GRID2: variants seen among roughly 807,000 people sequenced by gnomAD.
GRID2 encodes the protein glutamate receptor ionotropic, delta-2.
GRID2 carries 33 observed loss-of-function variants against 114.8 expected under a neutral mutation model. The observed-to-expected ratio is 0.29, with a 90% CI of 0.22 to 0.38. The LOEUF (loss-of-function observed/expected upper bound fraction) is 0.38, where lower values mean the gene tolerates loss of function less well. Ranked by LOEUF, GRID2 falls within the 10% of genes least tolerant of loss-of-function variation. The probability of loss-of-function intolerance (pLI) is 1.00; values close to 1 mark genes in which losing one functional copy is unlikely to be tolerated. For synonymous variants in GRID2, 505 were observed against 449.9 expected, an observed-to-expected ratio of 1.12 and a Z score of -1.55; for missense variants, 1,184 against 1,257.7, an observed-to-expected ratio of 0.94 and a Z score of 0.89.
chr4:92,548,113 T>C (rs1184629081), intron 1 of GRID2, among the ~76,000 whole-genome samples: 1 of 152,094 alleles, frequency 6.6e-6, no homozygotes, highest in Non-Finnish European at 1.5e-5. Flanking sequence ...ACTCTGAAGT[T>C]TAACATGGTC....
chr4:93,271,877 T>C (rs550841143), intron 8 of GRID2, among the ~76,000 whole-genome samples: 3 of 152,212 alleles, frequency 2.0e-5, no homozygotes, highest in Non-Finnish European at 2.9e-5. Flanking sequence ...AATTACATTT[T>C]ATGTCTTTGT....
At chr4:93,666,518 TG>T (rs1422427588) in intron 14 of GRID2, among the ~76,000 whole-genome samples, 3 of 152,080 alleles carry the variant, frequency 2.0e-5, no homozygotes, top group South Asian at 4.1e-4. Context: ...TATAAGCACC[TG>T]GAACAGTGCC....
intron 14 of GRID2, among the ~76,000 whole-genome samples, chr4:93,735,737 G>A (rs186955760): frequency 6.6e-6 from 1 of 152,118 alleles, no homozygotes; most frequent in African/African-American, 2.4e-5. Context: ...CTCATTTAGT[G>A]GAAACAAGTT....
In GRID2 at chr4:93,323,826, A is replaced by G. The variant is rs1021420794; in HGVS notation, c.1246-71781A>G. 2.6e-5 allele frequency among the ~76,000 whole-genome samples: 4 copies of G among 152,200 alleles called. 1 individual carries two copies. Among genetic ancestry groups the G allele is most frequent in the East Asian group, 3.9e-4 (2 of 5,178 alleles). ...TTGAAGCAATTGTGAAAGGGAGTTC[A>G]CTCATGATTTGGCTCTCTGTTTGTC... On this transcript the variant is annotated intron_variant, in intron 8 of 15. Coordinates refer to ENST00000282020, the MANE Select transcript of GRID2 (RefSeq NM_001510.4).
At chr4:93,374,264 A>T (rs1763182453) in intron 8 of GRID2, among the ~76,000 whole-genome samples, 1 of 152,198 alleles carries the variant, frequency 6.6e-6, no homozygotes, top group Non-Finnish European at 1.5e-5. Flanking sequence ...GCATGTTTTG[A>T]TTAAACACTT....
intron 13 of GRID2, among the ~76,000 whole-genome samples, chr4:93,582,568 G>C (rs1737087342): frequency 1.3e-5 from 2 of 151,944 alleles, no homozygotes; most frequent in Non-Finnish European, 2.9e-5. Context: ...GTTTCTTCAG[G>C]TTTATCAGAA....
intron 4 of GRID2, among the ~76,000 whole-genome samples, chr4:93,185,862 C>T (rs1740357364): frequency 6.6e-6 from 1 of 152,112 alleles, no homozygotes; most frequent in African/African-American, 2.4e-5. Context: ...TTGTCATTTA[C>T]ATTAGGCATT....
At chr4:93,480,148 A>T (rs1010129632) in intron 11 of GRID2, among the ~76,000 whole-genome samples, 2 of 152,108 alleles carry the variant, frequency 1.3e-5, no homozygotes, top group Non-Finnish European at 2.9e-5. Flanking sequence ...AAACTAGGAG[A>T]ATACTTAAAT....
intron 8 of GRID2, among the ~76,000 whole-genome samples, chr4:93,376,219 G>C (rs1286906682): frequency 1.4e-5 from 2 of 144,400 alleles, no homozygotes; most frequent in East Asian, 3.9e-4. Flanking sequence ...CTCATTAAAT[G>C]AATGGAAGTC....
chr4:93,425,556 T>G (rs1180574608), intron 10 of GRID2, among the ~76,000 whole-genome samples: 1 of 152,206 alleles, frequency 6.6e-6, no homozygotes, highest in Non-Finnish European at 1.5e-5. Context: ...TTTAGCACGT[T>G]TAGCCTTCTA....
chr4:92,760,237 C>CAAAAAAAAAAAAAA (rs982301426), intron 2 of GRID2, among the ~76,000 whole-genome samples: 1 of 38,410 alleles, frequency 2.6e-5, no homozygotes, highest in African/African-American at 9.4e-5. Flanking sequence ...GACTCTGTCT[C>CAAAAAAAAAAAAAA]AAAAAAAAAA....
intron 2 of GRID2, among the ~76,000 whole-genome samples, chr4:92,941,368 A>G (rs940322286): frequency 6.6e-6 from 1 of 152,134 alleles, no homozygotes; most frequent in African/African-American, 2.4e-5. Flanking sequence ...AGGTGTTTAT[A>G]GTATTCTCTG....
At chr4:93,235,312 T>C (rs1746649386) in intron 7 of GRID2, among the ~76,000 whole-genome samples, 5 of 152,126 alleles carry the variant, frequency 3.3e-5, no homozygotes. Flanking sequence ...CGTTTAGAAA[T>C]TATCTGTATG....
chr4:92,878,942 G>A (rs1412957461), intron 2 of GRID2, among the ~76,000 whole-genome samples: 1 of 152,062 alleles, frequency 6.6e-6, no homozygotes, highest in African/African-American at 2.4e-5. Flanking sequence ...TATACAAAAT[G>A]TTATTTCACG....
chr4:93,713,870 G>C (rs1458619816), intron 14 of GRID2, among the ~76,000 whole-genome samples: 1 of 152,080 alleles, frequency 6.6e-6, no homozygotes, highest in Non-Finnish European at 1.5e-5. Flanking sequence ...ATTTGTAAAA[G>C]TTAATACTGC....
Position 93,558,709 on chromosome 4 carries a change from G to A in GRID2, c.2193+43298G>A, listed in dbSNP as rs147899023. On this transcript the variant is annotated intron_variant, in intron 13 of 15. Coordinates refer to ENST00000282020, the MANE Select transcript of GRID2 (RefSeq NM_001510.4). ...GAAACTATTCCAAACAATAGAAAAC[G>A]AGGGAATCCTCCCTGACTCATTTTA... 2.6e-3 allele frequency among the ~76,000 whole-genome samples: 389 copies of A among 152,216 alleles called. 1 individual carries two copies. The highest frequency in any genetic ancestry group is 4.9e-3 in the Non-Finnish European group (330 of 68,018).
At chr4:93,476,503 C>T (rs758403013) in intron 11 of GRID2, among the ~76,000 whole-genome samples, 1 of 152,164 alleles carries the variant, frequency 6.6e-6, no homozygotes, top group South Asian at 2.1e-4. Context: ...TTTTACGATA[C>T]ATTTAAGCCT....
intron 1 of GRID2, among the ~76,000 whole-genome samples, chr4:92,447,293 C>A (rs1733519939): frequency 6.6e-6 from 1 of 152,068 alleles, no homozygotes; most frequent in Admixed American, 6.5e-5. Context: ...AGGGTTAAGA[C>A]CCCTTAGAGG....
At chr4:93,228,012 A>C (rs1745698289) in intron 7 of GRID2, among the ~76,000 whole-genome samples, 1 of 152,170 alleles carries the variant, frequency 6.6e-6, no homozygotes, top group African/African-American at 2.4e-5. Context: ...ACAGCAGTAC[A>C]GTTTTTTTGC....
Sources: allele counts gnomAD v4.1 joint callset (sites outside exome capture counted in the v4.1 genomes callset), GRCh38; gene constraint gnomAD v4.1.1; transcripts MANE v1.5; gene names NCBI Gene and HGNC (gene_info 2026-07-23, HGNC 2026-07-21).